ZCCHC7: variants seen among roughly 807,000 people sequenced by gnomAD.
The protein encoded by ZCCHC7 is zinc finger CCHC domain-containing protein 7.
Under a neutral mutation model 52.0 loss-of-function variants are expected in ZCCHC7, and 35 were observed. The observed-to-expected ratio is 0.67, with a 90% confidence interval of 0.51 to 0.89. The LOEUF (loss-of-function observed/expected upper bound fraction) is 0.89, where lower values mean the gene tolerates loss of function less well. ZCCHC7 is among the 40% of genes least tolerant of loss of function. The probability of loss-of-function intolerance (pLI) is 0.00; values close to 1 mark genes in which losing one functional copy is unlikely to be tolerated. For missense variants in ZCCHC7, 574 were observed against 649.1 expected (o/e 0.88, Z 1.26); for synonymous variants, 217 against 221.5 (o/e 0.98, Z 0.18).
At position 37,356,822 on chromosome 9, in the gene ZCCHC7, T is replaced by C. The variant is rs531556195; in HGVS notation, c.1199-13T>C. Reference sequence around the variant, plus strand: ...AGCTGCTGAATATGCAAAAATACTTTTATATTTTTCAGTACTCAAGAAAAA... The same window carrying C: ...AGCTGCTGAATATGCAAAAATACTTCTATATTTTTCAGTACTCAAGAAAAA... On this transcript the variant is annotated splice_polypyrimidine_tract_variant and intron_variant, in intron 8 of 8. Coordinates refer to ENST00000336755, the MANE Select transcript of ZCCHC7 (RefSeq NM_032226.3). The C allele has an allele frequency of 2.5e-6, 4 of 1,570,002 alleles. No individual in the cohort carries two copies. The South Asian group carries it at 3.6e-5, about 14-fold the overall frequency.
chr9:37,247,805 A>G (rs1826143126), intron 2 of ZCCHC7, among the ~76,000 whole-genome samples: 1 of 152,128 alleles, frequency 6.6e-6, no homozygotes, highest in South Asian at 2.1e-4. Context: ...AGTCCCAACT[A>G]AGTAGTTCTC....
intron 5 of ZCCHC7, among the ~76,000 whole-genome samples, chr9:37,315,427 T>C (rs1457913265): frequency 9.5e-6 from 1 of 105,126 alleles, no homozygotes; most frequent in Non-Finnish European, 2.0e-5. Context: ...AATTGTTGAC[T>C]TGATAAAAAA....
intron 2 of ZCCHC7, among the ~76,000 whole-genome samples, chr9:37,252,749 T>C (rs1826390315): frequency 6.6e-6 from 1 of 152,310 alleles, no homozygotes; most frequent in African/African-American, 2.4e-5. Context: ...TACTGCTTTC[T>C]CACCTGTTGA....
rs376343382 is a variant in ZCCHC7 at position 37,289,204 on chromosome 9, C to T, written c.611-12984C>T. 2.8e-3 allele frequency among the ~76,000 whole-genome samples: 417 copies of T among 150,074 alleles called. 2 individuals are homozygous for T. Among genetic ancestry groups the T allele is most frequent in the African/African-American group, 9.6e-3 (392 of 40,644 alleles). On this transcript the variant is annotated intron_variant, in intron 2 of 8. Coordinates refer to ENST00000336755, the MANE Select transcript of ZCCHC7 (RefSeq NM_032226.3). Reference sequence around the variant, plus strand: ...TCGCTCTGTCGCCCAGGCTGGAGTGCAGTGGTGTGGTCTCGGGTCACTGCA... The same window carrying T: ...TCGCTCTGTCGCCCAGGCTGGAGTGTAGTGGTGTGGTCTCGGGTCACTGCA...
chr9:37,139,161 C>A (rs376953461), intron 2 of ZCCHC7, among the ~76,000 whole-genome samples: 1 of 151,890 alleles, frequency 6.6e-6, no homozygotes, highest in South Asian at 2.1e-4. Context: ...AAAGTATGGA[C>A]TTCATGGAAG....
chr9:37,160,563 G>A (rs933291730), intron 2 of ZCCHC7, among the ~76,000 whole-genome samples: 13 of 152,052 alleles, frequency 8.5e-5, no homozygotes, highest in African/African-American at 3.1e-4. Context: ...CATTATGTGG[G>A]CCAGAATATC....
intron 7 of ZCCHC7, among the ~76,000 whole-genome samples, 188 bp downstream of exon 7, chr9:37,349,640 C>T (rs1821243868): frequency 6.6e-6 from 1 of 152,128 alleles, no homozygotes; most frequent in South Asian, 2.1e-4. Flanking sequence ...GAGCATATTC[C>T]TCTAATTATG....
At chr9:37,291,663 A>G (rs1397695630) in intron 2 of ZCCHC7, among the ~76,000 whole-genome samples, 2 of 151,978 alleles carry the variant, frequency 1.3e-5, no homozygotes, top group African/African-American at 4.8e-5. Context: ...AATGTTTTAC[A>G]GTTTTTTTGT....
At chr9:37,212,263 C>T (rs1036308216) in intron 2 of ZCCHC7, among the ~76,000 whole-genome samples, 5 of 151,598 alleles carry the variant, frequency 3.3e-5, no homozygotes, top group African/African-American at 1.2e-4. Flanking sequence ...CCCAAAATGT[C>T]AGTAGTACCA....
At chr9:37,123,928 C>T (rs1242992902) in intron 1 of ZCCHC7, among the ~76,000 whole-genome samples, 4 of 152,160 alleles carry the variant, frequency 2.6e-5, no homozygotes, top group African/African-American at 7.2e-5. Flanking sequence ...GCAACAAGGG[C>T]ACAGGTATAT....
Position 37,356,414 on chromosome 9 carries a change from G to A in ZCCHC7, c.1199-421G>A, listed in dbSNP as rs112060708. On this transcript the variant is annotated intron_variant, in intron 8 of 8. Transcript: ENST00000336755. ...ATCCACCTAAAAGTACTATGGCCAG[G>A]CCTTATCTTTAGAGGGTGGTTGAAA... is the stretch of plus-strand genomic sequence containing the variant. Among the ~76,000 whole-genome samples, 665 of 152,312 alleles carry A rather than the reference G, an allele frequency of 4.4e-3. 3 individuals carry two copies. Among genetic ancestry groups the A allele is most frequent in the African/African-American group, 0.015 (636 of 41,566 alleles).
intron 2 of ZCCHC7, among the ~76,000 whole-genome samples, chr9:37,248,618 G>A (rs181530940): frequency 3.2e-4 from 48 of 152,246 alleles, no homozygotes; most frequent in Non-Finnish European, 4.6e-4. Context: ...GAAAAGGCCT[G>A]TTTTGGATAC....
intron 2 of ZCCHC7, among the ~76,000 whole-genome samples, chr9:37,158,070 A>G (rs1355612925): frequency 6.6e-6 from 1 of 152,210 alleles, no homozygotes; most frequent in African/African-American, 2.4e-5. Context: ...GAATGGGTGA[A>G]CTTGAGTGTG....
chr9:37,312,929 C>A (rs572069781), intron 5 of ZCCHC7, among the ~76,000 whole-genome samples: 1 of 151,926 alleles, frequency 6.6e-6, no homozygotes, highest in Non-Finnish European at 1.5e-5. Context: ...ATTAAAATGC[C>A]GCCTCCCCAA....
At chr9:37,136,605 G>T (rs1188201053) in intron 2 of ZCCHC7, among the ~76,000 whole-genome samples, 1 of 152,058 alleles carries the variant, frequency 6.6e-6, no homozygotes, top group Admixed American at 6.6e-5. Flanking sequence ...CTGCAGATGT[G>T]GGCCACCATG....
At chr9:37,136,422 G>GT (rs1373645422) in intron 2 of ZCCHC7, among the ~76,000 whole-genome samples, 1 of 151,970 alleles carries the variant, frequency 6.6e-6, no homozygotes, top group Non-Finnish European at 1.5e-5. Flanking sequence ...TGTTGTTGTT[G>GT]TTTTTCAGAC....
intron 2 of ZCCHC7, among the ~76,000 whole-genome samples, chr9:37,299,517 C>G (rs1265474265): frequency 2.0e-5 from 3 of 152,088 alleles, no homozygotes; most frequent in Non-Finnish European, 4.4e-5. Flanking sequence ...AGTACCATAC[C>G]CAGAATTTAA....
At chr9:37,166,123 G>A (rs1821403752) in intron 2 of ZCCHC7, among the ~76,000 whole-genome samples, 1 of 114,728 alleles carries the variant, frequency 8.7e-6, no homozygotes, top group Non-Finnish European at 1.9e-5. Flanking sequence ...TCGGCTGGGT[G>A]GGGTGGCTCA....
At chr9:37,266,644 T>G (rs982810500) in intron 2 of ZCCHC7, among the ~76,000 whole-genome samples, 2 of 151,972 alleles carry the variant, frequency 1.3e-5, no homozygotes, top group African/African-American at 4.8e-5. Flanking sequence ...GAGGCTGAGG[T>G]GGGAGGATCA....
Sources: gnomAD v4.1 joint callset for allele counts (sites outside exome capture counted in the v4.1 genomes callset) on GRCh38, gnomAD v4.1.1 for gene constraint, MANE v1.5 for transcripts, NCBI Gene and HGNC (gene_info 2026-07-23, HGNC 2026-07-21) for gene names.